The following IMMP2L variants were observed in gnomAD, a reference collection of about 807,000 sequenced individuals.
IMMP2L encodes mitochondrial inner membrane protease subunit 2.
IMMP2L carries 18 observed loss-of-function variants against 19.3 expected under a neutral mutation model. The observed-to-expected ratio is 0.93, with a 90% CI of 0.64 to 1.38. The LOEUF (loss-of-function observed/expected upper bound fraction) is 1.38, where lower values mean the gene tolerates loss of function less well. Ranked by LOEUF, IMMP2L falls within the 40% of genes most tolerant of loss-of-function variation. IMMP2L has a pLI of 0.00. For synonymous variants in IMMP2L, 76 were observed against 73.0 expected (o/e 1.04, Z -0.21); for missense variants, 233 against 218.2 (o/e 1.07, Z -0.43).
intron 4 of IMMP2L, among the ~76,000 whole-genome samples, chr7:110,911,516 T>C (rs1036496237): frequency 6.6e-6 from 1 of 152,052 alleles, no homozygotes; most frequent in Admixed American, 6.6e-5. Flanking sequence ...AATAGTACAT[T>C]GAAACAGTAC....
chr7:111,080,616 A>G (rs1795812641), intron 3 of IMMP2L, among the ~76,000 whole-genome samples: 1 of 152,164 alleles, frequency 6.6e-6, no homozygotes, highest in Admixed American at 6.5e-5. Context: ...CTTTTTAGCT[A>G]ATTGTCTAAG....
intron 3 of IMMP2L, among the ~76,000 whole-genome samples, chr7:111,041,552 C>T (rs373376988): frequency 3.3e-5 from 5 of 151,132 alleles, no homozygotes; most frequent in African/African-American, 9.7e-5. Flanking sequence ...CCTTGGCTTA[C>T]GAGATAGCGT....
intron 3 of IMMP2L, among the ~76,000 whole-genome samples, chr7:111,320,177 C>T (rs1824534799): frequency 6.6e-6 from 1 of 152,044 alleles, no homozygotes; most frequent in Admixed American, 6.6e-5. Context: ...AACATGTGGT[C>T]ACACTGTCCT....
chr7:111,383,000 A>C lies in IMMP2L; in HGVS notation c.239+104238T>G, dbSNP rs146699154. Among the ~76,000 whole-genome samples, 633 of 152,076 alleles carry C rather than the reference A, an allele frequency of 4.2e-3. 5 individuals are homozygous for C. The highest frequency in any genetic ancestry group is 0.015 in the African/African-American group (607 of 41,506). On this transcript the variant is annotated intron_variant, in intron 3 of 5. Transcript: ENST00000405709. ...GGTAGGGGAGAGTCATCTTTAATCTACTCTGTGGCCAGTCATCTATACTCT... is the reference window on the plus strand; with the variant it reads ...GGTAGGGGAGAGTCATCTTTAATCTCCTCTGTGGCCAGTCATCTATACTCT...
rs191145729 is a variant in IMMP2L at position 111,485,250 on chromosome 7, T to G, written c.239+1988A>C. On this transcript the variant is annotated intron_variant, in intron 3 of 5. Coordinates refer to ENST00000405709, the MANE Select transcript of IMMP2L (RefSeq NM_032549.4). ...ATGGCTCCTCCTAAGAACAAGCACA[T>G]GAAAGTTTGTGTTATTTGTACATGA... 2.0e-5 allele frequency among the ~76,000 whole-genome samples: 3 copies of G among 152,192 alleles called. No individual in the cohort carries two copies. In the East Asian group the frequency reaches 5.8e-4, roughly 29 times the overall value.
At chr7:110,787,311 A>G (rs1031208595) in intron 5 of IMMP2L, among the ~76,000 whole-genome samples, 1 of 151,962 alleles carries the variant, frequency 6.6e-6, no homozygotes, top group Admixed American at 6.6e-5. Flanking sequence ...TTTATAAAGA[A>G]CCTTACAAAG....
intron 5 of IMMP2L, among the ~76,000 whole-genome samples, chr7:110,665,723 CATT>C (rs781248000): frequency 3.8e-4 from 58 of 152,216 alleles, no homozygotes; most frequent in African/African-American, 8.7e-4. Flanking sequence ...CGGTGCATCT[CATT>C]GTTGTGATGC....
intron 3 of IMMP2L, among the ~76,000 whole-genome samples, chr7:111,182,795 G>T (rs777819633): frequency 6.6e-6 from 1 of 151,890 alleles, no homozygotes; most frequent in African/African-American, 2.4e-5. Flanking sequence ...GCAGAGACAC[G>T]CAAAAGAAAA....
intron 3 of IMMP2L, among the ~76,000 whole-genome samples, chr7:111,130,091 A>C (rs1242603173): frequency 6.6e-6 from 1 of 152,168 alleles, no homozygotes; most frequent in Non-Finnish European, 1.5e-5. Flanking sequence ...AAGCCTACAG[A>C]GATTTGAATT....
At chr7:111,504,409 T>C (rs1411893354) in intron 2 of IMMP2L, among the ~76,000 whole-genome samples, 9 of 151,504 alleles carry the variant, frequency 5.9e-5, no homozygotes, top group East Asian at 3.9e-4. Context: ...AGGTAATTTA[T>C]AGATTCAATG....
At chr7:111,115,138 A>T (rs1799722816) in intron 3 of IMMP2L, among the ~76,000 whole-genome samples, 1 of 152,194 alleles carries the variant, frequency 6.6e-6, no homozygotes, top group East Asian at 1.9e-4. Context: ...ATAACAAGGT[A>T]AATAAAAGAG....
rs553194208 is a variant in IMMP2L at position 111,387,283 on chromosome 7, T to C, written c.239+99955A>G. ...TTTGGCTCATTTCCTCTGACCACCA[T>C]GTCTCCATTCTAAATTACAACCTCT... On this transcript the variant is annotated intron_variant, in intron 3 of 5. Coordinates refer to ENST00000405709, the MANE Select transcript of IMMP2L (RefSeq NM_032549.4). Among the ~76,000 whole-genome samples the C allele has an allele frequency of 2.6e-5, 4 of 152,254 alleles. No individual in the cohort carries two copies. In the East Asian group the frequency reaches 7.7e-4, roughly 29 times the overall value.
At chr7:110,815,628 T>C (rs1233934165) in intron 5 of IMMP2L, among the ~76,000 whole-genome samples, 1 of 152,154 alleles carries the variant, frequency 6.6e-6, no homozygotes, top group Non-Finnish European at 1.5e-5. Context: ...CTATTGATTA[T>C]TGCCACAATT....
intron 1 of IMMP2L, among the ~76,000 whole-genome samples, chr7:111,531,822 T>G (rs1217567456): frequency 6.6e-6 from 1 of 152,150 alleles, no homozygotes; most frequent in Non-Finnish European, 1.5e-5. Flanking sequence ...AGAGGATACT[T>G]TTCACCATAA....
At chr7:110,849,193 CTG>C (rs1483090512) in intron 5 of IMMP2L, among the ~76,000 whole-genome samples, 2 of 152,044 alleles carry the variant, frequency 1.3e-5, no homozygotes, top group Non-Finnish European at 2.9e-5. Context: ...TATGAGAACT[CTG>C]TACTTTCTGC....
At chr7:111,329,730 G>A (rs1003167508) in intron 3 of IMMP2L, among the ~76,000 whole-genome samples, 5 of 151,736 alleles carry the variant, frequency 3.3e-5, no homozygotes, top group Admixed American at 6.6e-5. Context: ...AGAACATTTC[G>A]AATTACATAA....
At chr7:111,035,427 T>C (rs13243249) in intron 3 of IMMP2L, among the ~76,000 whole-genome samples, 2 of 152,176 alleles carry the variant, frequency 1.3e-5, no homozygotes, top group African/African-American at 4.8e-5. Context: ...TAAGTACAGA[T>C]GCTTTCAGAG....
chr7:111,214,331 C>CTTT lies in IMMP2L; in HGVS notation c.240-250769_240-250767dup, dbSNP rs1169450523. On this transcript the variant is annotated intron_variant, in intron 3 of 5. Coordinates refer to ENST00000405709, the MANE Select transcript of IMMP2L (RefSeq NM_032549.4). Reference sequence around the variant, plus strand: ...AATGAATGACAAAGTAATTTTTCTTCTTTTTTTTTTTTTTTTTTTTTTTTT... The same window carrying CTTT: ...AATGAATGACAAAGTAATTTTTCTTCTTTTTTTTTTTTTTTTTTTTTTTTTTTT... 8.9e-4 allele frequency among the ~76,000 whole-genome samples: 73 copies of CTTT among 82,190 alleles called. 12 individuals are homozygous for CTTT. The highest frequency in any genetic ancestry group is 2.7e-3 in the African/African-American group (50 of 18,846). The allele number at this position is 82,190 out of a possible 152,430, so 53.9% of individuals were successfully genotyped here.
chr7:111,379,051 G>A (rs1830954073), intron 3 of IMMP2L, among the ~76,000 whole-genome samples: 1 of 151,476 alleles, frequency 6.6e-6, no homozygotes, highest in Admixed American at 6.6e-5. Flanking sequence ...AGGCTAATGA[G>A]ACCATTTTGA....
Sources: gnomAD v4.1 joint callset for allele counts (sites outside exome capture counted in the v4.1 genomes callset) on GRCh38, gnomAD v4.1.1 for gene constraint, MANE v1.5 for transcripts, NCBI Gene and HGNC (gene_info 2026-07-23, HGNC 2026-07-21) for gene names.